The following NRXN3 variants were observed in gnomAD, a reference collection of about 807,000 sequenced individuals.
NRXN3 encodes neurexin 3, also known as neurexin III.
In NRXN3, 32 loss-of-function variants were observed where a neutral mutation model predicts 137.6. That is an observed-to-expected ratio of 0.23 (90% CI 0.18 to 0.31). NRXN3 has a LOEUF of 0.31. Ranked by LOEUF, NRXN3 falls within the 10% of genes least tolerant of loss-of-function variation. The pLI is 1.00. For synonymous variants in NRXN3, 798 were observed against 784.5 expected, an observed-to-expected ratio of 1.02 and a Z score of -0.29; for missense variants, 1,574 against 2,062.5, an observed-to-expected ratio of 0.76 and a Z score of 4.59.
chr14:79,076,143 T>C (rs1311990943), intron 15 of NRXN3, among the ~76,000 whole-genome samples: 7 of 152,194 alleles, frequency 4.6e-5, no homozygotes, highest in Non-Finnish European at 1.0e-4. Flanking sequence ...GCCATCATGC[T>C]GTTGCCTAAT....
intron 14 of NRXN3, among the ~76,000 whole-genome samples, chr14:78,975,728 C>T (rs937899482): frequency 6.6e-6 from 1 of 152,214 alleles, no homozygotes; most frequent in Non-Finnish European, 1.5e-5. Context: ...TTCCCTTTCA[C>T]ATGAAACCTC....
At chr14:78,224,984 T>C (rs2064347661) in intron 1 of NRXN3, among the ~76,000 whole-genome samples, 1 of 152,048 alleles carries the variant, frequency 6.6e-6, no homozygotes, top group Admixed American at 6.5e-5. Flanking sequence ...GCCAGGATGG[T>C]CTCGATCTCC....
intron 8 of NRXN3, among the ~76,000 whole-genome samples, chr14:78,749,466 C>T (rs998176021): frequency 2.0e-5 from 3 of 152,128 alleles, no homozygotes; most frequent in Non-Finnish European, 2.9e-5. Flanking sequence ...ACGAGTCCTG[C>T]TGCTGATTGC....
At chr14:79,207,078 G>C (rs925504377) in intron 15 of NRXN3, among the ~76,000 whole-genome samples, 2 of 152,084 alleles carry the variant, frequency 1.3e-5, no homozygotes, top group Non-Finnish European at 2.9e-5. Context: ...TGCCTCTGAG[G>C]CATGCTCACA....
At chr14:79,056,425 T>C (rs575141326) in intron 15 of NRXN3, among the ~76,000 whole-genome samples, 1 of 152,282 alleles carries the variant, frequency 6.6e-6, no homozygotes, top group South Asian at 2.1e-4. Flanking sequence ...CATTTTTAAA[T>C]GATGTGCAAG....
intron 4 of NRXN3, among the ~76,000 whole-genome samples, chr14:78,305,303 C>A (rs905453496): frequency 6.6e-6 from 1 of 152,084 alleles, no homozygotes; most frequent in Non-Finnish European, 1.5e-5. Context: ...ACCTTTAGGG[C>A]GGCCGGGCAG....
intron 10 of NRXN3, among the ~76,000 whole-genome samples, chr14:78,917,081 A>T (rs2099257186): frequency 6.6e-6 from 1 of 152,194 alleles, no homozygotes; most frequent in Non-Finnish European, 1.5e-5. Flanking sequence ...TGGGGTTTAG[A>T]TTTCAACATA....
intron 4 of NRXN3, among the ~76,000 whole-genome samples, chr14:78,620,192 A>G (rs2152497629): frequency 6.6e-6 from 1 of 152,358 alleles, no homozygotes; most frequent in South Asian, 2.1e-4. Flanking sequence ...TAGGGTCTAA[A>G]AAAAGAAGAA....
chr14:78,564,286 C>T (rs117603682), intron 4 of NRXN3, among the ~76,000 whole-genome samples: 1,685 of 152,270 alleles, frequency 0.011, 13 homozygotes, highest in Non-Finnish European at 0.016. Flanking sequence ...CTCCTATTCC[C>T]GCCTCAGTGT....
intron 16 of NRXN3, among the ~76,000 whole-genome samples, chr14:79,592,990 T>G (rs1437279496): frequency 6.6e-6 from 1 of 152,202 alleles, no homozygotes; most frequent in East Asian, 1.9e-4. Flanking sequence ...CTTTCTGGTA[T>G]TTCAAAAGTA....
chr14:78,668,000 G>T (rs1225744325), intron 6 of NRXN3, among the ~76,000 whole-genome samples: 3 of 152,150 alleles, frequency 2.0e-5, no homozygotes, highest in Non-Finnish European at 4.4e-5. Flanking sequence ...TGACCAGGCA[G>T]GTCTTGAACT....
chr14:78,558,527 G>T (rs1046328918), intron 4 of NRXN3, among the ~76,000 whole-genome samples: 1 of 152,166 alleles, frequency 6.6e-6, no homozygotes, highest in African/African-American at 2.4e-5. Context: ...CTGTGCTCAG[G>T]TGTAGTCTCC....
chr14:79,316,450 C>T (rs958071293), intron 15 of NRXN3, among the ~76,000 whole-genome samples: 2 of 152,138 alleles, frequency 1.3e-5, no homozygotes, highest in Admixed American at 6.5e-5. Context: ...GAAAATGACT[C>T]AGGTCCCCTG....
chr14:78,564,907 C>T (rs572839044), intron 4 of NRXN3, among the ~76,000 whole-genome samples: 33 of 152,250 alleles, frequency 2.2e-4, no homozygotes, highest in African/African-American at 7.7e-4. Context: ...TGTTCCATGT[C>T]CTCCACTGAG....
intron 15 of NRXN3, among the ~76,000 whole-genome samples, chr14:79,169,024 C>G (rs1029798463): frequency 2.2e-4 from 33 of 152,192 alleles, no homozygotes; most frequent in Non-Finnish European, 4.7e-4. Context: ...TGGTTAGTGG[C>G]TGGCTTGCTT....
intron 6 of NRXN3, among the ~76,000 whole-genome samples, chr14:78,675,367 A>G (rs992902782): frequency 2.6e-5 from 4 of 152,234 alleles, no homozygotes; most frequent in African/African-American, 9.6e-5. Context: ...TACCTGTAAG[A>G]TGTCTCTTCT....
intron 6 of NRXN3, among the ~76,000 whole-genome samples, chr14:78,696,874 A>G (rs1432325620): frequency 6.6e-6 from 1 of 152,090 alleles, no homozygotes; most frequent in Non-Finnish European, 1.5e-5. Context: ...TGTTTCTACT[A>G]CTGCCATCAC....
At chr14:78,269,905 G>C (rs2072440225) in intron 2 of NRXN3, among the ~76,000 whole-genome samples, 1 of 152,174 alleles carries the variant, frequency 6.6e-6, no homozygotes, top group South Asian at 2.1e-4. Context: ...CAGATCCTCT[G>C]TCTCAAGGAA....
chr14:78,790,468 G>A (rs894819011), intron 8 of NRXN3, among the ~76,000 whole-genome samples: 36 of 152,158 alleles, frequency 2.4e-4, no homozygotes, highest in African/African-American at 1.2e-4. Flanking sequence ...CCCTGGAACC[G>A]TTGGGTCTGT....
Sources: allele counts gnomAD v4.1 joint callset (sites outside exome capture counted in the v4.1 genomes callset), GRCh38; gene constraint gnomAD v4.1.1; transcripts MANE v1.5; gene names NCBI Gene and HGNC (gene_info 2026-07-23, HGNC 2026-07-21).